UCK2: variants seen among roughly 807,000 people sequenced by gnomAD.
UCK2 encodes uridine-cytidine kinase 2.
In UCK2, 6 loss-of-function variants were observed where a neutral mutation model predicts 30.8. That is an observed-to-expected ratio of 0.19 (90% CI 0.11 to 0.38). UCK2 has a LOEUF of 0.38. UCK2 is among the 10% of genes least tolerant of loss of function. The probability of loss-of-function intolerance (pLI) is 1.00; values close to 1 mark genes in which losing one functional copy is unlikely to be tolerated. For synonymous variants in UCK2, 125 were observed against 133.6 expected (o/e 0.94, Z 0.45); for missense variants, 210 against 339.8 (o/e 0.62, Z 3.00).
At chr1:165,881,491 G>A (rs536732211) in intron 1 of UCK2, among the ~76,000 whole-genome samples, 1 of 152,300 alleles carries the variant, frequency 6.6e-6, no homozygotes, top group Admixed American at 6.5e-5. Context: ...GCATCTTGAA[G>A]CCAGCCCATC....
chr1:165,869,238 A>G (rs1383180878), intron 1 of UCK2, among the ~76,000 whole-genome samples: 2 of 152,206 alleles, frequency 1.3e-5, no homozygotes, highest in Admixed American at 1.3e-4. Context: ...TGTTTGAGAT[A>G]TTGTGAGAAT....
chr1:165,902,437 GAA>G (rs1239186061), intron 4 of UCK2, among the ~76,000 whole-genome samples: 3 of 135,992 alleles, frequency 2.2e-5, no homozygotes, highest in Non-Finnish European at 3.2e-5. Context: ...ATTTTTTAAA[GAA>G]AAAAAAAAAA....
intron 1 of UCK2, among the ~76,000 whole-genome samples, chr1:165,889,477 C>T (rs1031460831): frequency 5.9e-5 from 9 of 152,118 alleles, no homozygotes; most frequent in Non-Finnish European, 1.2e-4. Context: ...TACCAGGGCA[C>T]AAGCAGACAG....
At chr1:165,854,066 A>G (rs576429634) in intron 1 of UCK2, among the ~76,000 whole-genome samples, 1 of 152,288 alleles carries the variant, frequency 6.6e-6, no homozygotes, top group Admixed American at 6.5e-5. Flanking sequence ...AGTCTGAGAA[A>G]CTTTAGGTGC....
chr1:165,865,830 G>T (rs1212070439), intron 1 of UCK2, among the ~76,000 whole-genome samples: 1 of 152,144 alleles, frequency 6.6e-6, no homozygotes, highest in Non-Finnish European at 1.5e-5. Context: ...AAGAACACTC[G>T]CACAATGAGA....
chr1:165,870,462 T>C (rs2101870295), intron 1 of UCK2, among the ~76,000 whole-genome samples: 1 of 150,820 alleles, frequency 6.6e-6, no homozygotes, highest in South Asian at 2.2e-4. Flanking sequence ...CATTTGAATG[T>C]CCAGTTTTCC....
chr1:165,850,439 A>G (rs1210076133), intron 1 of UCK2, among the ~76,000 whole-genome samples: 1 of 143,118 alleles, frequency 7.0e-6, no homozygotes, highest in Non-Finnish European at 1.5e-5. Context: ...CTTATTTTTT[A>G]ATTTTTAAAT....
chr1:165,899,734 G>C (rs1428333395), intron 4 of UCK2, among the ~76,000 whole-genome samples: 2 of 152,188 alleles, frequency 1.3e-5, no homozygotes, highest in Admixed American at 1.3e-4. Flanking sequence ...GGGTTTCCAG[G>C]TTGTGCCAAG....
rs76239645 is a variant in UCK2, at chr1:165,880,741, G to A, written c.100-9463G>A. 4.4e-3 allele frequency among the ~76,000 whole-genome samples: 663 copies of A among 152,220 alleles called. 6 individuals are homozygous for A. The highest frequency in any genetic ancestry group is 0.015 in the African/African-American group (638 of 41,516). ...TGGAATAATCTTAATTCAGTTGCGA[G>A]GGATACATTGCCCCTTGAATCTCAA... is the stretch of plus-strand genomic sequence containing the variant. On this transcript the variant is annotated intron_variant, in intron 1 of 6. Transcript: ENST00000367879.
intron 3 of UCK2, among the ~76,000 whole-genome samples, chr1:165,891,812 C>T (rs913090241): frequency 3.3e-5 from 5 of 152,106 alleles, no homozygotes; most frequent in African/African-American, 1.2e-4. Flanking sequence ...GGAATCAAAC[C>T]AGTCCTTTCC....
At position 165,836,228 on chromosome 1, in the gene UCK2, C is replaced by CAAAAAAA. The variant is rs1285741977; in HGVS notation, c.99+8300_99+8301insAAAAAAA. ...GGGCGACAAGAGCAAGACTCCGTCT[C>CAAAAAAA]AAAACAAAAAACAAAACAAAAAAAA... is the stretch of plus-strand genomic sequence containing the variant. On this transcript the variant is annotated intron_variant, in intron 1 of 6. Coordinates refer to ENST00000367879, the MANE Select transcript of UCK2 (RefSeq NM_012474.5). Among the ~76,000 whole-genome samples the CAAAAAAA allele has an allele frequency of 1.9e-3, 281 of 149,446 alleles. 6 individuals are homozygous for CAAAAAAA. Among genetic ancestry groups the CAAAAAAA allele is most frequent in the African/African-American group, 6.6e-3 (260 of 39,252 alleles).
intron 2 of UCK2, 37 bp from the exon 3 acceptor site, chr1:165,891,189 A>C: frequency 6.3e-7 from 1 of 1,582,054 alleles, no homozygotes; most frequent in Non-Finnish European, 8.7e-7. Flanking sequence ...TCCTATTTTA[A>C]AATTAAGAAA....
chr1:165,885,350 T>C, intron 1 of UCK2: 2 of 398,562 alleles, frequency 5.0e-6, no homozygotes, highest in Non-Finnish European at 8.8e-6. Context: ...TGTAATGGAA[T>C]TAAATGAGAT....
At chr1:165,834,689 A>G (rs1232452062) in intron 1 of UCK2, among the ~76,000 whole-genome samples, 2 of 152,196 alleles carry the variant, frequency 1.3e-5, no homozygotes, top group Admixed American at 6.5e-5. Context: ...GCTATTGGCA[A>G]TACTCTTTCC....
chr1:165,867,735 A>G (rs768232023), intron 1 of UCK2, among the ~76,000 whole-genome samples: 3 of 152,230 alleles, frequency 2.0e-5, no homozygotes, highest in Non-Finnish European at 2.9e-5. Flanking sequence ...TTTCCACTAC[A>G]TCTGCAGTGA....
chr1:165,886,590 C>A (rs997941057), intron 1 of UCK2, among the ~76,000 whole-genome samples: 5 of 152,198 alleles, frequency 3.3e-5, no homozygotes, highest in Non-Finnish European at 5.9e-5. Flanking sequence ...CCACTGTGCC[C>A]AGCTGAATTA....
chr1:165,875,281 G>C (rs1655306688), intron 1 of UCK2, among the ~76,000 whole-genome samples: 1 of 152,184 alleles, frequency 6.6e-6, no homozygotes, highest in Non-Finnish European at 1.5e-5. Flanking sequence ...TCACTGGTAT[G>C]TTAGAGTCAG....
intron 1 of UCK2, among the ~76,000 whole-genome samples, chr1:165,831,914 T>C (rs1208748363): frequency 1.3e-5 from 2 of 152,132 alleles, no homozygotes; most frequent in African/African-American, 4.8e-5. Context: ...TATAGGCATG[T>C]GCCACCAGGC....
intron 1 of UCK2, among the ~76,000 whole-genome samples, chr1:165,841,675 G>A (rs1469815282): frequency 1.3e-5 from 2 of 152,192 alleles, no homozygotes; most frequent in Non-Finnish European, 2.9e-5. Context: ...GAAAGGCCCT[G>A]ACCTCAGGGA....
Sources: allele counts gnomAD v4.1 joint callset (sites outside exome capture counted in the v4.1 genomes callset), GRCh38; gene constraint gnomAD v4.1.1; transcripts MANE v1.5; gene names NCBI Gene and HGNC (gene_info 2026-07-23, HGNC 2026-07-21).